The following GALNT17 variants were observed in gnomAD, a reference collection of about 807,000 sequenced individuals.
GALNT17 encodes the protein UDP-GalNAc:polypeptide N-acetylgalactosaminyltransferase-like 3.
In GALNT17, 29 loss-of-function variants were observed where a neutral mutation model predicts 63.7. That is an observed-to-expected ratio of 0.46 (90% confidence interval 0.34 to 0.62). GALNT17 has a LOEUF of 0.62. Ranked by LOEUF, GALNT17 falls within the 20% of genes least tolerant of loss-of-function variation. GALNT17 has a pLI of 0.01. For missense variants in GALNT17, 603 were observed against 799.6 expected, an observed-to-expected ratio of 0.75 and a Z score of 2.97; for synonymous variants, 305 against 318.3, an observed-to-expected ratio of 0.96 and a Z score of 0.45.
intron 6 of GALNT17, among the ~76,000 whole-genome samples, chr7:71,649,409 T>A (rs1790723711): frequency 6.6e-6 from 1 of 152,138 alleles, no homozygotes; most frequent in Admixed American, 6.6e-5. Flanking sequence ...AAAATCTGCC[T>A]CCTCAAAAGG....
chr7:71,254,810 G>A (rs959032165), intron 1 of GALNT17, among the ~76,000 whole-genome samples: 7 of 152,204 alleles, frequency 4.6e-5, no homozygotes, highest in African/African-American at 7.2e-5. Context: ...AAGTCACCCA[G>A]CAAGCTGAAA....
chr7:71,186,492 A>G (rs901309993), intron 1 of GALNT17, among the ~76,000 whole-genome samples: 3 of 152,198 alleles, frequency 2.0e-5, no homozygotes, highest in Non-Finnish European at 4.4e-5. Flanking sequence ...TGGACACTTC[A>G]TGGCCTTCAA....
chr7:71,132,973 C>A lies in GALNT17; in HGVS notation c.171C>A (p.Ser57Arg). Reference protein sequence around the residue: ...EVANLSAHSASPIQDAVLKRL... With the variant: ...EVANLSAHSARPIQDAVLKRL... ...CCAACCTCAGCGCGCACAGCGCCAG[C>A]CCCATCCAGGATGCGGTCCTGAAGC... The change falls in exon 1 of 11, where the codon AGC becomes AGA. Residue 57 changes from serine to arginine, a missense_variant. Physicochemically the swap from Ser to Arg is moderately radical, Grantham distance 110 (BLOSUM62 -1). Around this residue, in one of 3 missense-constraint regions of GALNT17, gnomAD observed 195 missense variants for 215.0 expected, o/e 0.91. Transcript: ENST00000333538. The A allele has an allele frequency of 6.2e-7, 1 of 1,609,314 alleles. No homozygotes were observed. The highest frequency in any genetic ancestry group is 8.5e-7 in the Non-Finnish European group (1 of 1,179,106).
At chr7:71,550,883 G>A (rs1789065857) in intron 5 of GALNT17, among the ~76,000 whole-genome samples, 1 of 151,098 alleles carries the variant, frequency 6.6e-6, no homozygotes, top group Non-Finnish European at 1.5e-5. Context: ...TCCTCTTCTG[G>A]CTTTTTACAA....
intron 5 of GALNT17, among the ~76,000 whole-genome samples, chr7:71,548,227 G>A (rs1371608687): frequency 6.7e-6 from 1 of 149,110 alleles, no homozygotes; most frequent in Non-Finnish European, 1.5e-5. Context: ...GGGCAACAGA[G>A]CAGGAGTCTG....
rs534436342 is a variant in GALNT17 at position 71,146,703 on chromosome 7, G to A, written c.238+13663G>A. 9.9e-5 allele frequency among the ~76,000 whole-genome samples: 15 copies of A among 152,242 alleles called. No homozygotes were observed. The East Asian group carries it at 1.9e-3, about 20-fold the overall frequency. On this transcript the variant is annotated intron_variant, in intron 1 of 10. Transcript: ENST00000333538. ...TCTCCCCTAGTGATTGCTGCTCACC[G>A]GTCTTTAGACTGCTCTGACATGTGG... is the stretch of plus-strand genomic sequence containing the variant.
chr7:71,277,532 G>A (rs1790704571), intron 1 of GALNT17, among the ~76,000 whole-genome samples: 1 of 152,072 alleles, frequency 6.6e-6, no homozygotes, highest in South Asian at 2.1e-4. Context: ...TTACAAAACA[G>A]CAAGGTAACT....
chr7:71,506,247 TTTTTA>T (rs139837699), intron 5 of GALNT17, among the ~76,000 whole-genome samples: 92,617 of 150,592 alleles, frequency 0.62, 29,864 homozygotes, highest in Non-Finnish European at 0.73. Context: ...ATAGAAGGAA[TTTTTA>T]TTTTATTTTA....
chr7:71,583,412 C>T (rs1292247448), intron 6 of GALNT17, among the ~76,000 whole-genome samples: 1 of 152,158 alleles, frequency 6.6e-6, no homozygotes, highest in African/African-American at 2.4e-5. Context: ...GCCTCTATGT[C>T]ACCTGCCAGG....
intron 3 of GALNT17, among the ~76,000 whole-genome samples, chr7:71,396,757 T>A (rs1793146339): frequency 6.8e-6 from 1 of 146,504 alleles, no homozygotes; most frequent in Admixed American, 6.6e-5. Context: ...AACATAGATG[T>A]CTTTCTATTT....
intron 1 of GALNT17, among the ~76,000 whole-genome samples, chr7:71,314,962 T>TCAC (rs1791475322): frequency 1.3e-5 from 2 of 152,140 alleles, no homozygotes; most frequent in Non-Finnish European, 2.9e-5. Flanking sequence ...AGTCTACAGT[T>TCAC]CACCACTGTC....
intron 1 of GALNT17, among the ~76,000 whole-genome samples, chr7:71,232,058 A>AT (rs1022695679): frequency 2.6e-4 from 39 of 152,232 alleles, no homozygotes; most frequent in African/African-American, 9.4e-4. Context: ...CAGAGTCACC[A>AT]TTTGCTTTGG....
chr7:71,377,114 A>AATATATATATATATATATATAT (rs1554362119), intron 2 of GALNT17, among the ~76,000 whole-genome samples: 4 of 57,464 alleles, frequency 7.0e-5, no homozygotes, highest in African/African-American at 1.9e-4. Flanking sequence ...AAATAAAAAA[A>AATATATATATATATATATATAT]ATATATATAT....
chr7:71,460,628 G>T (rs562554751), intron 5 of GALNT17, among the ~76,000 whole-genome samples: 1 of 152,280 alleles, frequency 6.6e-6, no homozygotes, highest in East Asian at 1.9e-4. Flanking sequence ...TAAAGTGAAA[G>T]CAAGTTTATT....
intron 2 of GALNT17, among the ~76,000 whole-genome samples, chr7:71,386,625 C>A (rs1415696979): frequency 6.6e-6 from 1 of 152,116 alleles, no homozygotes. Context: ...GTGGAGAAGG[C>A]CAAAGCTCTA....
intron 6 of GALNT17, among the ~76,000 whole-genome samples, chr7:71,583,327 C>T (rs945373911): frequency 3.3e-5 from 5 of 152,184 alleles, no homozygotes; most frequent in Admixed American, 6.5e-5. Context: ...ATCTCCTGAC[C>T]TCATGATCCG....
At chr7:71,201,775 G>A (rs1342795106) in intron 1 of GALNT17, among the ~76,000 whole-genome samples, 1 of 151,940 alleles carries the variant, frequency 6.6e-6, no homozygotes, top group East Asian at 1.9e-4. Flanking sequence ...GGGATTACAG[G>A]CACACGCCAC....
intron 5 of GALNT17, among the ~76,000 whole-genome samples, chr7:71,500,341 A>G (rs967469039): frequency 6.6e-6 from 1 of 152,230 alleles, no homozygotes; most frequent in South Asian, 2.1e-4. Flanking sequence ...ATTTATTCAG[A>G]AGACCACTGT....
At chr7:71,176,490 A>AG (rs1788641253) in intron 1 of GALNT17, among the ~76,000 whole-genome samples, 1 of 152,042 alleles carries the variant, frequency 6.6e-6, no homozygotes, top group Non-Finnish European at 1.5e-5. Flanking sequence ...ATTCACAGAG[A>AG]GGGCAGTGTG....
Sources: gnomAD v4.1 joint callset for allele counts (sites outside exome capture counted in the v4.1 genomes callset) on GRCh38, gnomAD v4.1.1 for gene constraint, gnomAD v4.1.1 regional missense constraint, MANE v1.5 for transcripts, NCBI Gene and HGNC (gene_info 2026-07-23, HGNC 2026-07-21) for gene names.